Variants in CLASP1 observed in about 807,000 individuals in gnomAD.
CLASP1 encodes the protein CLIP-associating protein 1.
CLASP1 carries 38 observed loss-of-function variants against 192.3 expected under a neutral mutation model. That is an observed-to-expected ratio of 0.20 (90% CI 0.15 to 0.26). CLASP1 has a LOEUF of 0.26. Among genes scored for constraint, CLASP1 ranks in the 10% least tolerant of loss-of-function variants. The probability of loss-of-function intolerance (pLI) is 1.00; values close to 1 mark genes in which losing one functional copy is unlikely to be tolerated. For missense variants in CLASP1, 1,433 were observed against 1,932.5 expected (o/e 0.74, Z 4.85); for synonymous variants, 691 against 712.8 (o/e 0.97, Z 0.49).
At chr2:121,498,067 C>T (rs1416204248) in intron 8 of CLASP1, among the ~76,000 whole-genome samples, 1 of 152,024 alleles carries the variant, frequency 6.6e-6, no homozygotes, top group Non-Finnish European at 1.5e-5. Context: ...ACCGTGTTGC[C>T]CAGGCTGGTC....
chr2:121,462,073 C>T (rs543708971), intron 10 of CLASP1, among the ~76,000 whole-genome samples: 2 of 152,184 alleles, frequency 1.3e-5, no homozygotes, highest in African/African-American at 4.8e-5. Flanking sequence ...AAACTTGTGG[C>T]TGTATCCCAA....
rs190462715 is a variant in CLASP1, at chr2:121,362,707, C to T, written c.4206+465G>A. On this transcript the variant is annotated intron_variant, in intron 37 of 39. Coordinates refer to ENST00000263710, the Ensembl canonical transcript of CLASP1. ...AGAAACTTTGTGAAAATATCCATTCCTATTTTACACACAAGGAAACGGAGG... is the reference window on the plus strand; with the variant it reads ...AGAAACTTTGTGAAAATATCCATTCTTATTTTACACACAAGGAAACGGAGG... 2.2e-3 allele frequency among the ~76,000 whole-genome samples: 328 copies of T among 152,312 alleles called. 1 individual carries two copies. The highest frequency in any genetic ancestry group is 7.4e-3 in the African/African-American group (307 of 41,566).
At chr2:121,350,692 G>A (rs1053448681) in intron 37 of CLASP1, among the ~76,000 whole-genome samples, 2 of 152,198 alleles carry the variant, frequency 1.3e-5, no homozygotes, top group African/African-American at 2.4e-5. Flanking sequence ...CAATGGACAC[G>A]TTTGGGGCCA....
chr2:121,558,139 T>C (rs1316760953), intron 2 of CLASP1, among the ~76,000 whole-genome samples: 22 of 151,370 alleles, frequency 1.5e-4, no homozygotes, highest in Admixed American at 1.4e-3. Context: ...AATCATACAA[T>C]CTATTGTTAT....
At position 121,347,158 on chromosome 2, in the gene CLASP1, G is replaced by T. The variant is rs545881266; in HGVS notation, c.4414-4C>A. The T allele has an allele frequency of 1.2e-5, 18 of 1,556,912 alleles. No individual in the cohort carries two copies. Among genetic ancestry groups the T allele is most frequent in the Non-Finnish European group, 1.5e-5 (17 of 1,146,124 alleles). On this transcript the variant is annotated splice_polypyrimidine_tract_variant and splice_region_variant and intron_variant, in intron 38 of 39. Transcript: ENST00000263710. ...TACTTTCGGTGTTGTCATAACCCTA[G>T]AGAGCCAGAAGGGAACACGAAAAGG... is the stretch of plus-strand genomic sequence containing the variant.
intron 2 of CLASP1, among the ~76,000 whole-genome samples, chr2:121,589,178 C>T (rs968341250): frequency 6.6e-6 from 1 of 152,184 alleles, no homozygotes; most frequent in Non-Finnish European, 1.5e-5. Context: ...TGGCCAGTGA[C>T]GTGCCCATCC....
At chr2:121,512,427 GTTAT>G (rs1024261761) in intron 7 of CLASP1, among the ~76,000 whole-genome samples, 13 of 152,160 alleles carry the variant, frequency 8.5e-5, no homozygotes, top group African/African-American at 2.9e-4. Flanking sequence ...ATGGCTAGAA[GTTAT>G]TTATTTTCTG....
chr2:121,476,650 G>C (rs1026301519), intron 8 of CLASP1, among the ~76,000 whole-genome samples: 2 of 152,196 alleles, frequency 1.3e-5, no homozygotes, highest in Non-Finnish European at 2.9e-5. Flanking sequence ...TTGATGGATA[G>C]AAGCCCAATG....
intron 6 of CLASP1, among the ~76,000 whole-genome samples, chr2:121,523,815 C>T (rs1481450479): frequency 6.6e-6 from 1 of 152,036 alleles, no homozygotes; most frequent in Non-Finnish European, 1.5e-5. Flanking sequence ...AATCTCCATC[C>T]CCTTCCCCAA....
chr2:121,407,484 G>C (rs1482639991), exon 25 of CLASP1: 1 of 1,613,832 alleles, frequency 6.2e-7, no homozygotes, highest in Non-Finnish European at 8.5e-7. Flanking sequence ...AGTGTTCTTT[G>C]GCTCTTCAGT....
intron 7 of CLASP1, among the ~76,000 whole-genome samples, chr2:121,512,446 T>C (rs1392715423): frequency 2.0e-5 from 3 of 152,224 alleles, no homozygotes; most frequent in Non-Finnish European, 2.9e-5. Context: ...TTTCTGAACA[T>C]ATATACATGA....
At chr2:121,615,449 T>C (rs1363984364) in intron 1 of CLASP1, among the ~76,000 whole-genome samples, 3 of 152,134 alleles carry the variant, frequency 2.0e-5, no homozygotes, top group Admixed American at 2.0e-4. Flanking sequence ...GTGAGATAAG[T>C]AGGCATTATT....
intron 2 of CLASP1, among the ~76,000 whole-genome samples, chr2:121,531,464 CG>C (rs1195561526): frequency 2.0e-5 from 3 of 151,068 alleles, no homozygotes; most frequent in Non-Finnish European, 2.9e-5. Context: ...GCGAGGTGGC[CG>C]GCGCCTGTAG....
At chr2:121,603,758 C>A (rs951180835) in intron 2 of CLASP1, among the ~76,000 whole-genome samples, 10 of 152,146 alleles carry the variant, frequency 6.6e-5, no homozygotes, top group African/African-American at 2.2e-4. Flanking sequence ...AAAATCCCGT[C>A]CTTCACAGCA....
At chr2:121,610,729 A>G (rs1432861494) in intron 1 of CLASP1, among the ~76,000 whole-genome samples, 74 of 77,006 alleles carry the variant, frequency 9.6e-4, no homozygotes, top group Admixed American at 2.2e-3. Flanking sequence ...GTTACAGGAG[A>G]AAGAGGAACT....
intron 1 of CLASP1, among the ~76,000 whole-genome samples, chr2:121,627,219 A>G (rs1358226505): frequency 1.3e-5 from 2 of 152,214 alleles, no homozygotes; most frequent in Admixed American, 6.6e-5. Flanking sequence ...AACTGGGTGA[A>G]GGGTAAACAA....
At chr2:121,557,204 C>T (rs2058642577) in intron 2 of CLASP1, among the ~76,000 whole-genome samples, 1 of 152,184 alleles carries the variant, frequency 6.6e-6, no homozygotes, top group Non-Finnish European at 1.5e-5. Context: ...TCCTGGTTAT[C>T]AGTTCAGATG....
At chr2:121,426,844 C>G (rs894744361) in intron 21 of CLASP1, among the ~76,000 whole-genome samples, 2 of 152,050 alleles carry the variant, frequency 1.3e-5, no homozygotes, top group Non-Finnish European at 2.9e-5. Flanking sequence ...AAGCATCACA[C>G]CAATACACTC....
chr2:121,402,688 T>G (rs753515638), intron 26 of CLASP1: 1 of 518,554 alleles, frequency 1.9e-6, no homozygotes, highest in Non-Finnish European at 3.9e-6. Context: ...TAACAGAAAT[T>G]TATCAGTGTT....
Sources: allele counts gnomAD v4.1 joint callset (sites outside exome capture counted in the v4.1 genomes callset), GRCh38; gene constraint gnomAD v4.1.1; transcripts MANE v1.5; gene names NCBI Gene and HGNC (gene_info 2026-07-23, HGNC 2026-07-21).